TRPC4: variants seen among roughly 807,000 people sequenced by gnomAD.
TRPC4 encodes transient receptor potential cation channel subfamily C member 4, also known as short transient receptor potential channel 4.
Under a neutral mutation model 99.4 loss-of-function variants are expected in TRPC4, and 49 were observed. The observed-to-expected ratio is 0.49, with a 90% CI of 0.39 to 0.63. TRPC4 has a LOEUF of 0.63. TRPC4 is among the 20% of genes least tolerant of loss of function. The pLI is 0.00. For synonymous variants in TRPC4, 454 were observed against 425.9 expected (o/e 1.07, Z -0.81); for missense variants, 898 against 1,152.9 (o/e 0.78, Z 3.20).
At chr13:37,736,063 G>A (rs975243234) in intron 3 of TRPC4, among the ~76,000 whole-genome samples, 2 of 152,164 alleles carry the variant, frequency 1.3e-5, no homozygotes, top group African/African-American at 4.8e-5. Flanking sequence ...TAGCTGTAAA[G>A]AAACTCATGG....
At chr13:37,793,229 A>C (rs923213880) in intron 1 of TRPC4, among the ~76,000 whole-genome samples, 1 of 152,180 alleles carries the variant, frequency 6.6e-6, no homozygotes, top group African/African-American at 2.4e-5. Context: ...GATGGAGAAG[A>C]GTAAAAACTG....
intron 1 of TRPC4, among the ~76,000 whole-genome samples, chr13:37,853,558 G>A (rs1321863049): frequency 6.6e-6 from 1 of 152,094 alleles, no homozygotes; most frequent in Non-Finnish European, 1.5e-5. Flanking sequence ...GAAAATATAT[G>A]ACTTCAACAA....
At chr13:37,751,137 G>C (rs1955921841) in intron 2 of TRPC4, among the ~76,000 whole-genome samples, 2 of 151,892 alleles carry the variant, frequency 1.3e-5, no homozygotes, top group African/African-American at 4.8e-5. Flanking sequence ...TAAAATGCAG[G>C]ACAATGGAAG....
At chr13:37,713,613 T>C (rs1954559975) in intron 3 of TRPC4, among the ~76,000 whole-genome samples, 2 of 152,092 alleles carry the variant, frequency 1.3e-5, no homozygotes, top group African/African-American at 4.8e-5. Flanking sequence ...AACGTTTCAG[T>C]CTTAAAAAAC....
At chr13:37,770,724 A>C (rs552418844) in intron 2 of TRPC4, among the ~76,000 whole-genome samples, 1 of 151,736 alleles carries the variant, frequency 6.6e-6, no homozygotes, top group African/African-American at 2.4e-5. Flanking sequence ...AATTTATCGA[A>C]TACACATTTT....
At chr13:37,665,234 T>C (rs1217423706) in intron 5 of TRPC4, among the ~76,000 whole-genome samples, 1 of 152,100 alleles carries the variant, frequency 6.6e-6, no homozygotes, top group Non-Finnish European at 1.5e-5. Flanking sequence ...GACACACATA[T>C]TTAAGTCCGT....
chr13:37,738,544 T>C (rs1288030950), intron 3 of TRPC4, among the ~76,000 whole-genome samples: 4 of 152,164 alleles, frequency 2.6e-5, no homozygotes, highest in African/African-American at 7.2e-5. Flanking sequence ...GTTTCAAAGA[T>C]GTGGTGAACA....
At chr13:37,654,997 AT>A in intron 7 of TRPC4, 90 bp downstream of exon 7, 2 of 1,076,154 alleles carry the variant, frequency 1.9e-6, no homozygotes. Flanking sequence ...CTAATTATAG[AT>A]TTTATTTACG....
intron 3 of TRPC4, among the ~76,000 whole-genome samples, chr13:37,720,100 T>A (rs1954819223): frequency 6.6e-6 from 1 of 151,998 alleles, no homozygotes; most frequent in Non-Finnish European, 1.5e-5. Flanking sequence ...GATGGGAAGA[T>A]CAAGGAAAAT....
chr13:37,695,824 A>C (rs933748143), intron 3 of TRPC4, among the ~76,000 whole-genome samples: 10 of 152,320 alleles, frequency 6.6e-5, no homozygotes, highest in African/African-American at 2.4e-4. Flanking sequence ...CAAATAGAAT[A>C]AGAGAGATCC....
chr13:37,651,117 T>C, intron 8 of TRPC4, 148 bp downstream of exon 8: 6 of 844,350 alleles, frequency 7.1e-6, no homozygotes, highest in Non-Finnish European at 1.1e-5. Flanking sequence ...GACACTGCCT[T>C]AGTCATGGGA....
At chr13:37,664,664 T>C (rs531382412) in intron 5 of TRPC4, among the ~76,000 whole-genome samples, 266 of 152,298 alleles carry the variant, frequency 1.7e-3, no homozygotes, top group African/African-American at 6.0e-3. Context: ...AATAATAAAT[T>C]GAATTATTTG....
intron 3 of TRPC4, among the ~76,000 whole-genome samples, chr13:37,717,219 C>T (rs909757045): frequency 2.0e-5 from 3 of 152,076 alleles, no homozygotes; most frequent in African/African-American, 7.2e-5. Flanking sequence ...GAGATTTATA[C>T]TGAAGCTTTT....
chr13:37,691,791 G>A (rs1275929024), intron 4 of TRPC4, among the ~76,000 whole-genome samples: 5 of 152,150 alleles, frequency 3.3e-5, no homozygotes, highest in Admixed American at 3.3e-4. Flanking sequence ...AAAATTTAAG[G>A]TTACGTTTCT....
chr13:37,719,830 G>A (rs1237675139), intron 3 of TRPC4, among the ~76,000 whole-genome samples: 2 of 151,990 alleles, frequency 1.3e-5, no homozygotes, highest in African/African-American at 4.8e-5. Context: ...ATGGCAAGCA[G>A]GAATGAAGGT....
intron 4 of TRPC4, among the ~76,000 whole-genome samples, chr13:37,683,585 T>G (rs1423491264): frequency 6.6e-6 from 1 of 152,060 alleles, no homozygotes; most frequent in African/African-American, 2.4e-5. Context: ...AGAACAGCCG[T>G]GCACCCCTCA....
chr13:37,722,522 A>C (rs1425511614), intron 3 of TRPC4, among the ~76,000 whole-genome samples: 1 of 152,206 alleles, frequency 6.6e-6, no homozygotes, highest in Non-Finnish European at 1.5e-5. Flanking sequence ...CAGTCTTTTT[A>C]ACATCACACT....
intron 1 of TRPC4, among the ~76,000 whole-genome samples, chr13:37,805,085 CTCTT>C (rs1957497784): frequency 1.3e-5 from 2 of 151,866 alleles, no homozygotes; most frequent in African/African-American, 2.4e-5. Flanking sequence ...ACACATTGAC[CTCTT>C]TCTTTAACCT....
At chr13:37,852,304 A>C (rs1283254418) in intron 1 of TRPC4, among the ~76,000 whole-genome samples, 1 of 152,152 alleles carries the variant, frequency 6.6e-6, no homozygotes, top group Non-Finnish European at 1.5e-5. Context: ...CCACAGTAGG[A>C]GAGGGTACTG....
Sources: allele counts gnomAD v4.1 joint callset (sites outside exome capture counted in the v4.1 genomes callset), GRCh38; gene constraint gnomAD v4.1.1; transcripts MANE v1.5; gene names NCBI Gene and HGNC (gene_info 2026-07-23, HGNC 2026-07-21).